Variants in SLC10A7 observed in about 807,000 individuals in gnomAD.
The protein encoded by SLC10A7 is solute carrier family 10 member 7.
A neutral mutation model predicts 43.2 loss-of-function variants in SLC10A7; 29 were observed. That is an observed-to-expected ratio of 0.67 (90% confidence interval 0.50 to 0.92). The LOEUF (loss-of-function observed/expected upper bound fraction) is 0.92. SLC10A7 is among the 40% of genes least tolerant of loss of function. SLC10A7 has a pLI of 0.00. For missense variants in SLC10A7, 295 were observed against 403.2 expected, an observed-to-expected ratio of 0.73 and a Z score of 2.30; for synonymous variants, 152 against 144.8, an observed-to-expected ratio of 1.05 and a Z score of -0.35.
At chr4:146,259,163 T>C (rs1159054581) in intron 10 of SLC10A7, among the ~76,000 whole-genome samples, 1 of 152,098 alleles carries the variant, frequency 6.6e-6, no homozygotes, top group Non-Finnish European at 1.5e-5. Flanking sequence ...CTGAAAAATA[T>C]TGGTGAGGGA....
chr4:146,303,535 A>G (rs1731308642), intron 7 of SLC10A7, among the ~76,000 whole-genome samples: 1 of 151,314 alleles, frequency 6.6e-6, no homozygotes, highest in South Asian at 2.1e-4. Context: ...CCACCACCAC[A>G]CCCAGCCAAT....
Position 146,503,781 on chromosome 4 carries a change from T to C in SLC10A7, c.396+68A>G, listed in dbSNP as rs1165239561. The stretch of plus-strand genomic sequence containing the variant: ...AACATCAACCCTTCATGTCCAAAAA[T>C]GTGATATATTTTTGAAATAAAAGCA... On this transcript the variant is annotated intron_variant, in intron 4 of 11. Transcript: ENST00000335472. 5 of 1,449,838 alleles carry C rather than the reference T, an allele frequency of 3.4e-6. No individual in the cohort carries two copies. In the African/African-American group the frequency reaches 4.2e-5, roughly 12 times the overall value. The allele number at this position is 1,449,838 out of a possible 1,614,324, so 89.8% of individuals were successfully genotyped here. A position where few individuals can be genotyped will look rare whatever the true frequency, so the allele number is the denominator to read the frequency against.
intron 5 of SLC10A7, among the ~76,000 whole-genome samples, chr4:146,438,827 C>T (rs965693464): frequency 4.6e-5 from 7 of 151,892 alleles, no homozygotes; most frequent in African/African-American, 1.7e-4. Flanking sequence ...AAAAAAATTT[C>T]AATTAGAATT....
Position 146,510,055 on chromosome 4 carries a change from A to G in SLC10A7, c.184-6T>C, listed in dbSNP as rs778594240. Reference sequence around the variant, plus strand: ...ACCAAAGCACTGGTCAGCTCCTGGAAAAATTAAGGAAACAAAATAAACAAA... The same window carrying G: ...ACCAAAGCACTGGTCAGCTCCTGGAGAAATTAAGGAAACAAAATAAACAAA... On this transcript the variant is annotated splice_polypyrimidine_tract_variant and splice_region_variant and intron_variant, in intron 2 of 11. Coordinates refer to ENST00000335472, the MANE Select transcript of SLC10A7 (RefSeq NM_001029998.6). 8 of 1,590,172 alleles carry G rather than the reference A, an allele frequency of 5.0e-6. No homozygotes were observed. The highest frequency in any genetic ancestry group is 6.8e-6 in the Non-Finnish European group (8 of 1,172,454).
At chr4:146,457,025 C>T (rs1281088553) in intron 4 of SLC10A7, among the ~76,000 whole-genome samples, 1 of 151,926 alleles carries the variant, frequency 6.6e-6, no homozygotes. Flanking sequence ...ATTCTAGGCT[C>T]TGTGGACCAT....
intron 4 of SLC10A7, chr4:146,478,030 CAG>C (rs2149979613): frequency 6.6e-6 from 1 of 152,226 alleles, no homozygotes; most frequent in Admixed American, 6.5e-5. Flanking sequence ...CATATCAAAA[CAG>C]AAATATACTC....
chr4:146,261,911 G>A (rs1008891302), intron 10 of SLC10A7, among the ~76,000 whole-genome samples: 5 of 152,150 alleles, frequency 3.3e-5, no homozygotes, highest in Admixed American at 2.6e-4. Flanking sequence ...AGCGACTCGA[G>A]TCATATGTTA....
At chr4:146,299,438 C>A (rs777833294) in intron 7 of SLC10A7, among the ~76,000 whole-genome samples, 16 of 152,162 alleles carry the variant, frequency 1.1e-4, no homozygotes, top group Non-Finnish European at 1.9e-4. Context: ...ATGATACATA[C>A]TAAGCTGAAG....
intron 9 of SLC10A7, among the ~76,000 whole-genome samples, chr4:146,288,290 C>T (rs974315819): frequency 1.3e-5 from 2 of 152,222 alleles, no homozygotes; most frequent in Admixed American, 1.3e-4. Context: ...TTAACCCTCT[C>T]TTCAGGAGGG....
At chr4:146,467,530 T>A (rs1039576278) in intron 4 of SLC10A7, among the ~76,000 whole-genome samples, 40 of 150,740 alleles carry the variant, frequency 2.7e-4, no homozygotes, top group African/African-American at 9.5e-4. Flanking sequence ...CTCCTTAGCA[T>A]GTTTTTTTGC....
intron 10 of SLC10A7, among the ~76,000 whole-genome samples, chr4:146,273,460 C>A (rs1729015823): frequency 6.6e-6 from 1 of 152,110 alleles, no homozygotes; most frequent in African/African-American, 2.4e-5. Context: ...CTTACCCTAA[C>A]CCCCCTCAGT....
chr4:146,505,630 C>T lies in SLC10A7; in HGVS notation c.321-1706G>A, dbSNP rs141198928. On this transcript the variant is annotated intron_variant, in intron 3 of 11. Transcript: ENST00000335472. ...GAAATAGGAAAAAAATGTTTAAACT[C>T]GTTTTGATTGAAGCATAAGAAAACC... Among the ~76,000 whole-genome samples, 235 of 152,236 alleles carry T rather than the reference C, an allele frequency of 1.5e-3. 1 individual carries two copies. The highest frequency in any genetic ancestry group is 5.4e-3 in the African/African-American group (223 of 41,554).
At chr4:146,336,212 T>C (rs1733885678) in intron 5 of SLC10A7, among the ~76,000 whole-genome samples, 1 of 152,118 alleles carries the variant, frequency 6.6e-6, no homozygotes, top group Non-Finnish European at 1.5e-5. Flanking sequence ...GTAAACAAAT[T>C]GGCATGGTAA....
intron 10 of SLC10A7, among the ~76,000 whole-genome samples, chr4:146,281,196 A>C (rs1291501299): frequency 6.6e-6 from 1 of 152,112 alleles, no homozygotes; most frequent in Non-Finnish European, 1.5e-5. Flanking sequence ...AAAAATAAAA[A>C]GACAAAAAAC....
intron 5 of SLC10A7, among the ~76,000 whole-genome samples, chr4:146,356,047 A>T (rs867768140): frequency 0.076 from 9,368 of 123,374 alleles, 367 homozygotes; most frequent in African/African-American, 0.12. Context: ...AATAAAAAAA[A>T]AAAAATATAT....
At chr4:146,521,504 G>A (rs1738654084) in intron 1 of SLC10A7, 114 bp downstream of exon 1, 1 of 808,590 alleles carries the variant, frequency 1.2e-6, no homozygotes, top group Non-Finnish European at 2.0e-6. Context: ...AGGCTGGTCA[G>A]TGCCCCCTGA....
chr4:146,515,736 C>A (rs1160114681), intron 2 of SLC10A7, among the ~76,000 whole-genome samples: 1 of 151,798 alleles, frequency 6.6e-6, no homozygotes, highest in Non-Finnish European at 1.5e-5. Flanking sequence ...GTAGTGAAAC[C>A]CCACCTCTAT....
At chr4:146,316,552 C>A (rs974790393) in intron 6 of SLC10A7, among the ~76,000 whole-genome samples, 2 of 152,040 alleles carry the variant, frequency 1.3e-5, no homozygotes, top group South Asian at 4.1e-4. Flanking sequence ...TCTTGGACTT[C>A]CCAGCTTCCA....
At chr4:146,291,191 C>G (rs1730422206) in intron 9 of SLC10A7, among the ~76,000 whole-genome samples, 1 of 152,182 alleles carries the variant, frequency 6.6e-6, no homozygotes, top group African/African-American at 2.4e-5. Flanking sequence ...AACAAACTGC[C>G]ATTGAAAGGC....
Sources: gnomAD v4.1 joint callset for allele counts (sites outside exome capture counted in the v4.1 genomes callset) on GRCh38, gnomAD v4.1.1 for gene constraint, MANE v1.5 for transcripts, NCBI Gene and HGNC (gene_info 2026-07-23, HGNC 2026-07-21) for gene names.